The following GABRB1 variants were observed in gnomAD, a reference collection of about 807,000 sequenced individuals.
The protein encoded by GABRB1 is gamma-aminobutyric acid receptor subunit beta-1.
In GABRB1, 17 loss-of-function variants were observed where a neutral mutation model predicts 51.6. The observed-to-expected ratio is 0.33, with a 90% CI of 0.23 to 0.49. The LOEUF is 0.49. Ranked by LOEUF, GABRB1 falls within the 20% of genes least tolerant of loss-of-function variation. The pLI is 0.99. For synonymous variants in GABRB1, 247 were observed against 218.9 expected (o/e 1.13, Z -1.14); for missense variants, 410 against 600.6 (o/e 0.68, Z 3.32).
At chr4:47,195,433 TA>T (rs1176188038) in intron 4 of GABRB1, among the ~76,000 whole-genome samples, 121 of 120,190 alleles carry the variant, frequency 1.0e-3, no homozygotes, top group South Asian at 2.3e-3. Context: ...GATAGATAGA[TA>T]GATAGATAGA....
In GABRB1 at chr4:47,403,367, G is replaced by A. The variant is rs781122920; in HGVS notation, c.594G>A (p.Gly198=). The part of the protein sequence containing the change: ...DIEFYWNGGE[G]AVTGVNKIEL... ...AATTTTACTGGAATGGAGGAGAAGG[G>A]GCAGTCACTGGTGTTAATAAAATCG... Residue 198 remains glycine, a synonymous_variant, in exon 6 of 9, where the codon GGG becomes GGA. Transcript: ENST00000295454. The A allele has an allele frequency of 1.8e-5, 29 of 1,613,858 alleles. No homozygotes were observed. In the South Asian group the frequency reaches 3.1e-4, roughly 17 times the overall value.
At chr4:47,343,538 G>A (rs1194706438) in intron 5 of GABRB1, among the ~76,000 whole-genome samples, 13 of 152,088 alleles carry the variant, frequency 8.5e-5, no homozygotes. Context: ...GTTGAATGCT[G>A]TGAAAATCCC....
intron 8 of GABRB1, among the ~76,000 whole-genome samples, chr4:47,413,301 G>C (rs966542607): frequency 6.6e-6 from 1 of 152,088 alleles, no homozygotes; most frequent in African/African-American, 2.4e-5. Flanking sequence ...TAATAATACA[G>C]CATTACCATC....
intron 4 of GABRB1, among the ~76,000 whole-genome samples, chr4:47,298,327 A>T (rs1258349150): frequency 6.6e-6 from 1 of 152,232 alleles, no homozygotes; most frequent in African/African-American, 2.4e-5. Context: ...ATGATTGTGT[A>T]TCTAGAAAAC....
chr4:47,414,460 G>A (rs561389931), intron 8 of GABRB1, among the ~76,000 whole-genome samples: 116 of 152,292 alleles, frequency 7.6e-4, no homozygotes, highest in Admixed American at 3.1e-3. Context: ...TTTCTGATTA[G>A]CATCTCCAAA....
intron 5 of GABRB1, among the ~76,000 whole-genome samples, chr4:47,395,834 T>C (rs966754071): frequency 2.6e-5 from 4 of 152,210 alleles, no homozygotes; most frequent in African/African-American, 4.8e-5. Context: ...CCTACAAGTA[T>C]ATGCAAATAT....
intron 3 of GABRB1, among the ~76,000 whole-genome samples, chr4:47,084,754 T>A (rs1376108578): frequency 1.3e-5 from 2 of 152,106 alleles, no homozygotes; most frequent in Non-Finnish European, 2.9e-5. Context: ...ATAAACAGGG[T>A]AGCCCAGGTA....
intron 1 of GABRB1, among the ~76,000 whole-genome samples, chr4:47,016,551 T>G (rs1319930581): frequency 4.0e-5 from 6 of 151,632 alleles, no homozygotes. Context: ...AAAATTTCTA[T>G]CTGTGCAGAT....
chr4:47,019,797 C>T (rs1420499314), intron 1 of GABRB1, among the ~76,000 whole-genome samples: 1 of 149,602 alleles, frequency 6.7e-6, no homozygotes, highest in African/African-American at 2.5e-5. Flanking sequence ...CCTCTGCCTC[C>T]CAGGCTCAAG....
At chr4:47,330,300 T>C (rs185201289) in intron 5 of GABRB1, among the ~76,000 whole-genome samples, 45 of 152,276 alleles carry the variant, frequency 3.0e-4, no homozygotes, top group African/African-American at 9.6e-4. Context: ...CAGAATAATA[T>C]TTGACTACTG....
At chr4:47,044,094 T>G (rs1725976679) in intron 3 of GABRB1, among the ~76,000 whole-genome samples, 1 of 152,106 alleles carries the variant, frequency 6.6e-6, no homozygotes, top group Non-Finnish European at 1.5e-5. Context: ...TTGTGTTGCC[T>G]ACACTGATCT....
intron 5 of GABRB1, among the ~76,000 whole-genome samples, chr4:47,362,448 C>T (rs528268152): frequency 1.3e-5 from 2 of 152,184 alleles, no homozygotes; most frequent in East Asian, 1.9e-4. Flanking sequence ...TCTCAGAATT[C>T]GCCCACATTT....
chr4:47,261,499 C>T (rs897243533), intron 4 of GABRB1, among the ~76,000 whole-genome samples: 12 of 152,070 alleles, frequency 7.9e-5, no homozygotes, highest in African/African-American at 2.7e-4. Context: ...CAGGAAGGAC[C>T]TCTTCAAGGA....
intron 4 of GABRB1, among the ~76,000 whole-genome samples, chr4:47,178,492 G>T (rs765487525): frequency 1.3e-4 from 20 of 151,960 alleles, no homozygotes; most frequent in Non-Finnish European, 2.4e-4. Context: ...TTTTGTCATT[G>T]GATTAGTGGA....
intron 3 of GABRB1, among the ~76,000 whole-genome samples, chr4:47,136,587 C>T (rs960546959): frequency 6.6e-6 from 1 of 151,756 alleles, no homozygotes; most frequent in African/African-American, 2.4e-5. Flanking sequence ...TCAAGGAGGA[C>T]CATAGTAGTT....
chr4:47,018,637 T>G (rs1363275843), intron 1 of GABRB1, among the ~76,000 whole-genome samples: 1 of 152,200 alleles, frequency 6.6e-6, no homozygotes, highest in East Asian at 1.9e-4. Flanking sequence ...GATTGACACA[T>G]ATTTTATATA....
chr4:47,373,508 T>G (rs970284067), intron 5 of GABRB1, among the ~76,000 whole-genome samples: 1 of 152,204 alleles, frequency 6.6e-6, no homozygotes, highest in Non-Finnish European at 1.5e-5. Flanking sequence ...TGTATACCTA[T>G]AATATGTCAT....
At chr4:47,160,841 C>CAGTG (rs1420559005) in intron 3 of GABRB1, among the ~76,000 whole-genome samples, 1 of 151,786 alleles carries the variant, frequency 6.6e-6, no homozygotes, top group Non-Finnish European at 1.5e-5. Context: ...GGCTGGAGTA[C>CAGTG]AGTGACATAA....
At chr4:47,256,663 A>G (rs3114087) in intron 4 of GABRB1, among the ~76,000 whole-genome samples, 134,431 of 152,188 alleles carry the variant, frequency 0.88, 59,599 homozygotes, top group East Asian at 0.98. Context: ...AAGCAGGCAT[A>G]TTTTCACATG....
Sources: allele counts gnomAD v4.1 joint callset (sites outside exome capture counted in the v4.1 genomes callset), GRCh38; gene constraint gnomAD v4.1.1; transcripts MANE v1.5; gene names NCBI Gene and HGNC (gene_info 2026-07-23, HGNC 2026-07-21).